Variants in EXOC4 observed in about 807,000 individuals in gnomAD.
EXOC4 encodes the protein SEC8-like 1.
A neutral mutation model predicts 107.2 loss-of-function variants in EXOC4; 71 were observed. The observed-to-expected ratio is 0.66, with a 90% CI of 0.55 to 0.81. The LOEUF (loss-of-function observed/expected upper bound fraction) is 0.81. Among genes scored for constraint, EXOC4 ranks in the 30% least tolerant of loss-of-function variants. The probability of loss-of-function intolerance (pLI) is 0.00; values close to 1 mark genes in which losing one functional copy is unlikely to be tolerated. For synonymous variants in EXOC4, 456 were observed against 441.2 expected, an observed-to-expected ratio of 1.03 and a Z score of -0.42; for missense variants, 1,108 against 1,189.6, an observed-to-expected ratio of 0.93 and a Z score of 1.01.
chr7:133,971,434 ATATG>A (rs1304793756), intron 14 of EXOC4, among the ~76,000 whole-genome samples: 2 of 147,070 alleles, frequency 1.4e-5, no homozygotes, highest in Non-Finnish European at 3.0e-5. Context: ...CTATGTAAGA[ATATG>A]TATTGTGTAT....
chr7:133,403,479 A>G (rs1293761893), intron 7 of EXOC4, among the ~76,000 whole-genome samples: 1 of 152,224 alleles, frequency 6.6e-6, no homozygotes, highest in East Asian at 1.9e-4. Context: ...GTTAGTAGGA[A>G]TGAATTTAGC....
intron 9 of EXOC4, among the ~76,000 whole-genome samples, chr7:133,543,253 C>T (rs1800415983): frequency 6.6e-6 from 1 of 151,862 alleles, no homozygotes; most frequent in Admixed American, 6.6e-5. Flanking sequence ...TAAGGTTTTC[C>T]CCTAAGGCAA....
chr7:133,848,261 AGAG>A (rs778264341), intron 11 of EXOC4, among the ~76,000 whole-genome samples: 6 of 152,206 alleles, frequency 3.9e-5, no homozygotes, highest in African/African-American at 9.6e-5. Flanking sequence ...GGAAGAATGC[AGAG>A]GAGAAGAGGA....
intron 14 of EXOC4, among the ~76,000 whole-genome samples, chr7:133,944,574 C>T (rs1405987488): frequency 3.3e-5 from 5 of 152,172 alleles, no homozygotes; most frequent in Admixed American, 2.6e-4. Flanking sequence ...TAGGCAGTTC[C>T]TTCCAAATTT....
At chr7:133,346,893 A>G (rs899745514) in intron 5 of EXOC4, among the ~76,000 whole-genome samples, 3 of 152,200 alleles carry the variant, frequency 2.0e-5, no homozygotes, top group Non-Finnish European at 2.9e-5. Context: ...CTTAGTTAAC[A>G]TGTACAAATA....
intron 13 of EXOC4, among the ~76,000 whole-genome samples, chr7:133,923,065 G>A (rs1799974097): frequency 6.6e-6 from 1 of 151,068 alleles, no homozygotes; most frequent in Admixed American, 6.6e-5. Context: ...AATACAGTAT[G>A]CATATGTTGA....
chr7:133,552,595 C>T (rs911622158), intron 9 of EXOC4, among the ~76,000 whole-genome samples: 2 of 152,206 alleles, frequency 1.3e-5, no homozygotes, highest in South Asian at 2.1e-4. Flanking sequence ...TGGACTGTTT[C>T]TGCAGACTCT....
Position 133,718,100 on chromosome 7 carries a change from C to T in EXOC4, c.1514+87959C>T, listed in dbSNP as rs537023493. ...ATGCACCAGAGTTCAACACTGATTG[C>T]CCGCCTCACCCAGCGTGGGTTAAGG... is the stretch of plus-strand genomic sequence containing the variant. On this transcript the variant is annotated intron_variant, in intron 10 of 17. Coordinates refer to ENST00000253861, the MANE Select transcript of EXOC4 (RefSeq NM_021807.4). Among the ~76,000 whole-genome samples, 23 of 152,264 alleles carry T rather than the reference C, an allele frequency of 1.5e-4. No homozygotes were observed. The South Asian group carries it at 4.4e-3, about 29-fold the overall frequency.
rs56769096 is a variant in EXOC4 at position 133,735,219 on chromosome 7, CAAAAAAAAAAAAAA to C, written c.1515-82086_1515-82073del. On this transcript the variant is annotated intron_variant, in intron 10 of 17. Transcript: ENST00000253861. The stretch of plus-strand genomic sequence containing the variant: ...TGGGTGACAGAGGAAGACTCTGTCT[CAAAAAAAAAAAAAA>C]AAAAAAAAAAAAAAAAAAAGTTAAA... Among the ~76,000 whole-genome samples, 19 of 33,506 alleles carry C rather than the reference CAAAAAAAAAAAAAA, an allele frequency of 5.7e-4. No homozygotes were observed. The South Asian group carries it at 9.8e-3, about 17-fold the overall frequency. 22.0% of individuals were successfully genotyped at this position (33,506 alleles called of 152,430 possible).
At chr7:133,339,405 C>T (rs1326939793) in intron 5 of EXOC4, among the ~76,000 whole-genome samples, 1 of 152,174 alleles carries the variant, frequency 6.6e-6, no homozygotes, top group East Asian at 1.9e-4. Flanking sequence ...GTTTTGGTGA[C>T]TATGGCTTTA....
At chr7:133,467,056 A>T (rs1480192215) in intron 7 of EXOC4, among the ~76,000 whole-genome samples, 1 of 152,134 alleles carries the variant, frequency 6.6e-6, no homozygotes, top group Non-Finnish European at 1.5e-5. Flanking sequence ...ATCAATCTTA[A>T]CCTATTCACA....
intron 13 of EXOC4, among the ~76,000 whole-genome samples, chr7:133,918,798 G>T (rs930387734): frequency 1.3e-5 from 2 of 152,094 alleles, no homozygotes; most frequent in Non-Finnish European, 2.9e-5. Flanking sequence ...ATCAAAGTTG[G>T]GATTAATATT....
chr7:134,050,292 C>G (rs11763316), intron 17 of EXOC4, among the ~76,000 whole-genome samples: 1 of 152,152 alleles, frequency 6.6e-6, no homozygotes, highest in Non-Finnish European at 1.5e-5. Context: ...AGGCGCTGTT[C>G]TAAGCACTTT....
intron 7 of EXOC4, among the ~76,000 whole-genome samples, chr7:133,375,499 C>CT (rs1006790036): frequency 6.4e-4 from 95 of 147,422 alleles, no homozygotes; most frequent in African/African-American, 1.8e-3. Context: ...TAACAGACTT[C>CT]TTTTTTTTTT....
At chr7:133,374,785 G>T in intron 6 of EXOC4, 43 bp from the exon 7 acceptor site, 1 of 1,531,886 alleles carries the variant, frequency 6.5e-7, no homozygotes. Flanking sequence ...ATTTATCTGC[G>T]TGTACGTATG....
At chr7:133,893,959 T>G (rs1799244605) in intron 11 of EXOC4, among the ~76,000 whole-genome samples, 1 of 92,252 alleles carries the variant, frequency 1.1e-5, no homozygotes, top group South Asian at 4.6e-4. Context: ...ATTTCCTGAA[T>G]CTGAACGTTG....
At chr7:133,499,591 G>A (rs955037575) in intron 9 of EXOC4, among the ~76,000 whole-genome samples, 3 of 152,060 alleles carry the variant, frequency 2.0e-5, no homozygotes, top group Admixed American at 6.6e-5. Flanking sequence ...TGTCAAGTAG[G>A]CCTTATGATA....
At chr7:133,418,676 G>A (rs537978258) in intron 7 of EXOC4, among the ~76,000 whole-genome samples, 1 of 152,182 alleles carries the variant, frequency 6.6e-6, no homozygotes, top group East Asian at 1.9e-4. Flanking sequence ...CACCCCTAGG[G>A]TTTGTTGTTT....
At chr7:133,765,697 T>C (rs962488408) in intron 10 of EXOC4, among the ~76,000 whole-genome samples, 2 of 152,014 alleles carry the variant, frequency 1.3e-5, no homozygotes, top group Non-Finnish European at 2.9e-5. Flanking sequence ...CGCCTTCCTT[T>C]GTATTATGAT....
Sources: gnomAD v4.1 joint callset for allele counts (sites outside exome capture counted in the v4.1 genomes callset) on GRCh38, gnomAD v4.1.1 for gene constraint, MANE v1.5 for transcripts, NCBI Gene and HGNC (gene_info 2026-07-23, HGNC 2026-07-21) for gene names.